KATNAL2: variants seen among roughly 807,000 people sequenced by gnomAD.
KATNAL2 encodes katanin catalytic subunit A1 like 2.
KATNAL2 carries 52 observed loss-of-function variants against 76.3 expected under a neutral mutation model. That is an observed-to-expected ratio of 0.68 (90% CI 0.55 to 0.86). The LOEUF (loss-of-function observed/expected upper bound fraction) is 0.86, where lower values mean the gene tolerates loss of function less well. Ranked by LOEUF, KATNAL2 falls within the 40% of genes least tolerant of loss-of-function variation. KATNAL2 has a pLI of 0.00. For synonymous variants in KATNAL2, 243 were observed against 244.2 expected (o/e 1.00, Z 0.05); for missense variants, 660 against 668.9 (o/e 0.99, Z 0.15).
chr18:47,041,866 C>T (rs1402515908), intron 3 of KATNAL2, among the ~76,000 whole-genome samples: 4 of 152,226 alleles, frequency 2.6e-5, no homozygotes, highest in East Asian at 1.9e-4. Context: ...TCTACATCCT[C>T]GCCAGCATTT....
chr18:47,048,168 T>C (rs1029506503), intron 4 of KATNAL2, among the ~76,000 whole-genome samples: 2 of 152,176 alleles, frequency 1.3e-5, no homozygotes, highest in African/African-American at 4.8e-5. Context: ...TTATCTGACT[T>C]TGAATGTCAA....
At chr18:46,952,891 T>C (rs1175985995) in intron 3 of KATNAL2, among the ~76,000 whole-genome samples, 1 of 30,418 alleles carries the variant, frequency 3.3e-5, no homozygotes, top group Non-Finnish European at 6.5e-5. Context: ...TCCTTCCTTC[T>C]TTTTTTTTTT....
chr18:47,065,451 G>A (rs2576033), intron 10 of KATNAL2, among the ~76,000 whole-genome samples: 6 of 150,848 alleles, frequency 4.0e-5, no homozygotes, highest in Non-Finnish European at 3.0e-5. Context: ...AGAGTGTCGG[G>A]GGGGGAACAG....
intron 1 of KATNAL2, among the ~76,000 whole-genome samples, chr18:46,926,908 C>T (rs2058744728): frequency 6.6e-6 from 1 of 152,044 alleles, no homozygotes; most frequent in South Asian, 2.1e-4. Context: ...GGATTGCAAC[C>T]CCTGTCTTTT....
Position 47,059,570 on chromosome 18 carries a change from C to T in KATNAL2, c.465C>T (p.Asn155=), listed in dbSNP as rs141787711. The change falls in exon 8 of 18, where the codon AAC becomes AAT. Residue 155 remains asparagine (N), a synonymous_variant. Transcript: ENST00000683218. ...TCTTTCTTCAGGAGGTAGTTGATAA[C>T]ACTCGCCTGGAAAGTGCCAACTTCG... The part of the protein sequence containing the change: ...KEHPNQEVVD[N]TRLESANFGL... 3.7e-6 allele frequency: 6 copies of T among 1,611,558 alleles called. No individual in the cohort carries two copies. The African/African-American group carries it at 4.0e-5, about 11-fold the overall frequency.
At chr18:47,073,670 C>A (rs1569116546) in intron 13 of KATNAL2, among the ~76,000 whole-genome samples, 1 of 152,176 alleles carries the variant, frequency 6.6e-6, no homozygotes, top group Non-Finnish European at 1.5e-5. Flanking sequence ...AATGTCTGTG[C>A]CTCTTAGGAG....
At chr18:46,927,476 C>G (rs2058764446) in intron 1 of KATNAL2, among the ~76,000 whole-genome samples, 1 of 152,128 alleles carries the variant, frequency 6.6e-6, no homozygotes, top group East Asian at 1.9e-4. Flanking sequence ...ATGGGCTTCC[C>G]TTTGTGGGTA....
At position 47,063,399 on chromosome 18, in the gene KATNAL2, A is replaced by G. The variant is rs374721460; in HGVS notation, c.726+38A>G. 4.3e-5 allele frequency: 66 copies of G among 1,528,320 alleles called. No individual in the cohort carries two copies. The East Asian group carries it at 1.1e-3, about 25-fold the overall frequency. 94.7% of individuals were successfully genotyped at this position (1,528,320 alleles called of 1,614,324 possible). A position where few individuals can be genotyped will look rare whatever the true frequency, so the allele number is the denominator to read the frequency against. On this transcript the variant is annotated intron_variant, in intron 10 of 17. Coordinates refer to ENST00000683218, the MANE Select transcript of KATNAL2 (RefSeq NM_001387690.1). ...ATTCAATTCACAAATTTATGGAGGC[A>G]GGCTGGGGCTTCTGGAGCTTTGTGG...
chr18:47,034,366 G>T lies in KATNAL2; in HGVS notation c.52-12091G>T, dbSNP rs761049083. 13 of 1,613,894 alleles carry T rather than the reference G, an allele frequency of 8.1e-6. No individual in the cohort carries two copies. The highest frequency in any genetic ancestry group is 1.3e-5 in the African/African-American group (1 of 74,946). ...AGGCCTCTTCTGGTGACTGTCTGGAGCCTCCTCCAAGGCAGGGACACGCTG... is the reference window on the plus strand; with the variant it reads ...AGGCCTCTTCTGGTGACTGTCTGGATCCTCCTCCAAGGCAGGGACACGCTG... On this transcript the variant is annotated intron_variant, in intron 3 of 17. Transcript: ENST00000683218.
At chr18:47,039,011 T>G (rs186031412) in intron 3 of KATNAL2, among the ~76,000 whole-genome samples, 1 of 152,218 alleles carries the variant, frequency 6.6e-6, no homozygotes, top group Non-Finnish European at 1.5e-5. Context: ...AGGCTCTGTC[T>G]GGGGGCTGAA....
intron 5 of KATNAL2, 52 bp downstream of exon 5, chr18:47,053,098 G>C: frequency 7.1e-7 from 1 of 1,417,942 alleles, no homozygotes; most frequent in Non-Finnish European, 9.5e-7. Context: ...TAAGATTAGT[G>C]TTTCTTTCTC....
chr18:47,061,280 C>T (rs1438373323), intron 8 of KATNAL2, among the ~76,000 whole-genome samples: 1 of 152,172 alleles, frequency 6.6e-6, no homozygotes, highest in African/African-American at 2.4e-5. Context: ...GGGATCTGCT[C>T]AGCTTCTGGT....
intron 3 of KATNAL2, among the ~76,000 whole-genome samples, chr18:47,045,569 C>T (rs752371068): frequency 1.6e-4 from 24 of 152,076 alleles, no homozygotes; most frequent in African/African-American, 4.1e-4. Flanking sequence ...GTGATCCATC[C>T]GCCTTGGTCT....
At chr18:46,953,672 A>G (rs1354698606) in intron 3 of KATNAL2, among the ~76,000 whole-genome samples, 1 of 152,148 alleles carries the variant, frequency 6.6e-6, no homozygotes, top group Admixed American at 6.6e-5. Flanking sequence ...TGGCAAGATC[A>G]CTTGGGACCG....
chr18:47,048,931 T>C (rs1229370003), intron 4 of KATNAL2, among the ~76,000 whole-genome samples: 1 of 140,524 alleles, frequency 7.1e-6, no homozygotes, highest in African/African-American at 2.7e-5. Flanking sequence ...GCCTCCTGGG[T>C]TCAGGCCATT....
At chr18:47,088,720 C>A (rs750267355) in intron 15 of KATNAL2, among the ~76,000 whole-genome samples, 1 of 152,180 alleles carries the variant, frequency 6.6e-6, no homozygotes, top group Admixed American at 6.5e-5. Context: ...TGTGCCACCA[C>A]ACCCGGCTAG....
intron 13 of KATNAL2, among the ~76,000 whole-genome samples, chr18:47,074,055 A>G (rs976879291): frequency 6.6e-6 from 1 of 152,216 alleles, no homozygotes; most frequent in Admixed American, 6.5e-5. Context: ...CACCCTTAAT[A>G]TCAGGTATAT....
intron 1 of KATNAL2, among the ~76,000 whole-genome samples, chr18:46,936,271 G>T (rs927326065): frequency 7.2e-5 from 11 of 152,074 alleles, no homozygotes; most frequent in African/African-American, 2.7e-4. Context: ...TCAAGTGCAC[G>T]TGGATTATTT....
Position 46,947,136 on chromosome 18 carries a change from G to C in KATNAL2, c.51+213G>C, listed in dbSNP as rs181511338. ...AATAAATGAGACACAGGCGGGTTTGGGGGTGACAACGGGTCGGATGAAAGG... is the reference window on the plus strand; with the variant it reads ...AATAAATGAGACACAGGCGGGTTTGCGGGTGACAACGGGTCGGATGAAAGG... On this transcript the variant is annotated intron_variant, in intron 3 of 17. Transcript: ENST00000683218. Among the ~76,000 whole-genome samples the C allele has an allele frequency of 8.1e-4, 123 of 152,312 alleles. No individual in the cohort carries two copies. In the East Asian group the frequency reaches 0.014, roughly 18 times the overall value.
Sources: allele counts gnomAD v4.1 joint callset (sites outside exome capture counted in the v4.1 genomes callset), GRCh38; gene constraint gnomAD v4.1.1; transcripts MANE v1.5; gene names NCBI Gene and HGNC (gene_info 2026-07-23, HGNC 2026-07-21).